Variants in PLCB4 observed in about 807,000 individuals in gnomAD.
The protein encoded by PLCB4 is 1-phosphatidylinositol 4,5-bisphosphate phosphodiesterase beta-4.
In PLCB4, 77 loss-of-function variants were observed where a neutral mutation model predicts 178.8. That is an observed-to-expected ratio of 0.43 (90% CI 0.36 to 0.52). The LOEUF (loss-of-function observed/expected upper bound fraction) is 0.52, where lower values mean the gene tolerates loss of function less well. Ranked by LOEUF, PLCB4 falls within the 20% of genes least tolerant of loss-of-function variation. PLCB4 has a pLI of 0.00. For missense variants in PLCB4, 1,024 were observed against 1,453.4 expected, an observed-to-expected ratio of 0.70 and a Z score of 4.80; for synonymous variants, 496 against 490.8, an observed-to-expected ratio of 1.01 and a Z score of -0.14.
At chr20:9,325,977 T>A (rs1167196553) in intron 4 of PLCB4, among the ~76,000 whole-genome samples, 1 of 151,822 alleles carries the variant, frequency 6.6e-6, no homozygotes, top group African/African-American at 2.4e-5. Context: ...AGAGCCCATT[T>A]CCCGATTCCA....
intron 7 of PLCB4, among the ~76,000 whole-genome samples, chr20:9,354,590 G>C (rs1356802720): frequency 6.6e-6 from 1 of 152,182 alleles, no homozygotes; most frequent in African/African-American, 2.4e-5. Context: ...TGCTCAACCC[G>C]CTGATCAAGG....
intron 3 of PLCB4, among the ~76,000 whole-genome samples, chr20:9,228,138 A>C (rs917411322): frequency 6.6e-6 from 1 of 152,182 alleles, no homozygotes; most frequent in East Asian, 1.9e-4. Context: ...AAAAGAGCAA[A>C]TGTATGAGCT....
In PLCB4 at chr20:9,126,071, C is replaced by A. The variant is rs561216254; in HGVS notation, c.-79+29729C>A. The stretch of plus-strand genomic sequence containing the variant: ...AAAGACAGTAATGGGATTGTACTAT[C>A]CATACTTTTTATAACTTGCATTTTT... On this transcript the variant is annotated intron_variant, in intron 2 of 39. Transcript: ENST00000378473. Among the ~76,000 whole-genome samples, 13 of 152,088 alleles carry A rather than the reference C, an allele frequency of 8.5e-5. No homozygotes were observed. In the South Asian group the frequency reaches 2.7e-3, roughly 32 times the overall value.
intron 2 of PLCB4, among the ~76,000 whole-genome samples, chr20:9,105,582 A>T (rs1224447852): frequency 6.6e-6 from 1 of 152,140 alleles, no homozygotes; most frequent in Non-Finnish European, 1.5e-5. Flanking sequence ...TTTTAAGTCA[A>T]TGATGATTGA....
At chr20:9,380,186 T>TA (rs11360322) in intron 13 of PLCB4, 24 bp downstream of exon 13, 42,198 of 891,536 alleles carry the variant, frequency 0.047, no homozygotes, top group South Asian at 0.065. Flanking sequence ...AAAAAGGACT[T>TA]AAAAAAAAAA....
At chr20:9,089,646 T>G (rs2090588629) in intron 1 of PLCB4, among the ~76,000 whole-genome samples, 1 of 152,176 alleles carries the variant, frequency 6.6e-6, no homozygotes, top group South Asian at 2.1e-4. Context: ...GTTCTAAGAT[T>G]GTGTCCAATA....
At chr20:9,112,019 T>C (rs1195679290) in intron 2 of PLCB4, among the ~76,000 whole-genome samples, 1 of 152,188 alleles carries the variant, frequency 6.6e-6, no homozygotes, top group African/African-American at 2.4e-5. Flanking sequence ...CAAATATGCC[T>C]TACATTTAGA....
intron 4 of PLCB4, among the ~76,000 whole-genome samples, chr20:9,332,812 T>C (rs2031885143): frequency 6.6e-6 from 1 of 152,230 alleles, no homozygotes; most frequent in African/African-American, 2.4e-5. Context: ...CTTAGTTTAC[T>C]ATTCCACTTT....
chr20:9,070,089 G>T (rs1295764518), intron 1 of PLCB4, among the ~76,000 whole-genome samples: 13 of 152,110 alleles, frequency 8.5e-5, no homozygotes, highest in African/African-American at 2.9e-4. Flanking sequence ...GGTATGTGGA[G>T]ATAGCTGTTT....
At chr20:9,253,180 G>A (rs926722021) in intron 3 of PLCB4, among the ~76,000 whole-genome samples, 2 of 152,136 alleles carry the variant, frequency 1.3e-5, no homozygotes, top group African/African-American at 4.8e-5. Flanking sequence ...AGAAGCTCTC[G>A]GGTGAGTAAC....
intron 3 of PLCB4, among the ~76,000 whole-genome samples, chr20:9,267,263 G>A (rs559290080): frequency 4.7e-4 from 72 of 152,170 alleles, no homozygotes; most frequent in African/African-American, 1.6e-3. Flanking sequence ...TGTCAACTAG[G>A]ACATTATATC....
chr20:9,299,891 C>A (rs1436248606), intron 3 of PLCB4, among the ~76,000 whole-genome samples: 1 of 151,954 alleles, frequency 6.6e-6, no homozygotes, highest in Admixed American at 6.6e-5. Flanking sequence ...TATGCCCTCA[C>A]CCCATCCATC....
chr20:9,321,796 G>C (rs1172695617), intron 4 of PLCB4, among the ~76,000 whole-genome samples: 1 of 151,730 alleles, frequency 6.6e-6, no homozygotes, highest in Non-Finnish European at 1.5e-5. Flanking sequence ...ACCATGCCCA[G>C]CTAATTTTTG....
At chr20:9,423,988 A>G in intron 28 of PLCB4, 36 bp downstream of exon 28, 1 of 1,242,786 alleles carries the variant, frequency 8.0e-7, no homozygotes, top group Non-Finnish European at 1.2e-6. Context: ...TATGATATAG[A>G]TGAGGTCCTA....
intron 4 of PLCB4, among the ~76,000 whole-genome samples, chr20:9,309,796 C>T (rs2094809434): frequency 6.6e-6 from 1 of 152,154 alleles, no homozygotes; most frequent in Admixed American, 6.5e-5. Flanking sequence ...TCATTTGAAT[C>T]CTTCTTATTG....
chr20:9,143,789 C>T (rs1255104673), intron 2 of PLCB4, among the ~76,000 whole-genome samples: 1 of 152,076 alleles, frequency 6.6e-6, no homozygotes, highest in Admixed American at 6.6e-5. Flanking sequence ...TAAGGAACAG[C>T]ATTGGCAAGA....
intron 3 of PLCB4, among the ~76,000 whole-genome samples, chr20:9,240,535 C>A (rs2094047520): frequency 6.6e-6 from 1 of 152,056 alleles, no homozygotes; most frequent in South Asian, 2.1e-4. Context: ...ATTTTCCTAA[C>A]TATTATTGTG....
intron 3 of PLCB4, among the ~76,000 whole-genome samples, chr20:9,289,097 AT>A (rs1426996443): frequency 6.6e-6 from 1 of 152,110 alleles, no homozygotes; most frequent in East Asian, 1.9e-4. Flanking sequence ...CTTGAATCTT[AT>A]CTCTTTTCCT....
intron 26 of PLCB4, among the ~76,000 whole-genome samples, chr20:9,420,849 A>C (rs2040580926): frequency 6.6e-6 from 1 of 152,224 alleles, no homozygotes; most frequent in Non-Finnish European, 1.5e-5. Flanking sequence ...CAGTAATGAC[A>C]GACAAATTCT....
Sources: gnomAD v4.1 joint callset for allele counts (sites outside exome capture counted in the v4.1 genomes callset) on GRCh38, gnomAD v4.1.1 for gene constraint, MANE v1.5 for transcripts, NCBI Gene and HGNC (gene_info 2026-07-23, HGNC 2026-07-21) for gene names.